The following CSGALNACT1 variants were observed in gnomAD, a reference collection of about 807,000 sequenced individuals.
The protein encoded by CSGALNACT1 is beta4GalNAcT-1.
A neutral mutation model predicts 51.0 loss-of-function variants in CSGALNACT1; 52 were observed. That is an observed-to-expected ratio of 1.02 (90% confidence interval 0.82 to 1.29). CSGALNACT1 has a LOEUF of 1.29. Among genes scored for constraint, CSGALNACT1 ranks in the 50% most tolerant of loss-of-function variants. The pLI, the probability that CSGALNACT1 is intolerant of heterozygous loss-of-function variation, is 0.00. For synonymous variants in CSGALNACT1, 341 were observed against 254.4 expected (o/e 1.34, Z -3.24); for missense variants, 935 against 679.2 (o/e 1.38, Z -4.19).
chr8:19,451,856 G>A (rs2063239066), intron 5 of CSGALNACT1, among the ~76,000 whole-genome samples: 1 of 152,146 alleles, frequency 6.6e-6, no homozygotes, highest in Non-Finnish European at 1.5e-5. Flanking sequence ...GGGCCCATCT[G>A]GACCAAGATT....
intron 1 of CSGALNACT1, among the ~76,000 whole-genome samples, chr8:19,649,324 A>C (rs1589259248): frequency 6.6e-6 from 1 of 152,268 alleles, no homozygotes; most frequent in East Asian, 1.9e-4. Flanking sequence ...AGTCACTCTA[A>C]GGAAGGGACT....
chr8:19,454,764 T>A (rs1160162312), intron 5 of CSGALNACT1, among the ~76,000 whole-genome samples: 1 of 151,598 alleles, frequency 6.6e-6, no homozygotes, highest in Non-Finnish European at 1.5e-5. Context: ...TACTGAAATG[T>A]TTCAATCAAA....
intron 1 of CSGALNACT1, among the ~76,000 whole-genome samples, chr8:19,732,040 C>T (rs1309857408): frequency 6.6e-6 from 1 of 152,206 alleles, no homozygotes; most frequent in African/African-American, 2.4e-5. Flanking sequence ...TGGCCAAATG[C>T]TTTCTTACAA....
intron 1 of CSGALNACT1, among the ~76,000 whole-genome samples, chr8:19,657,083 G>C (rs1353307515): frequency 1.6e-5 from 2 of 127,510 alleles, no homozygotes; most frequent in East Asian, 4.6e-4. Context: ...AAAAAAAAAA[G>C]GAAAACAAAT....
chr8:19,652,091 A>C (rs1179722959), intron 1 of CSGALNACT1, among the ~76,000 whole-genome samples: 1 of 151,880 alleles, frequency 6.6e-6, no homozygotes, highest in Non-Finnish European at 1.5e-5. Context: ...CACCACACCC[A>C]GCTAATTTTA....
At chr8:19,654,570 G>A (rs900378193) in intron 1 of CSGALNACT1, among the ~76,000 whole-genome samples, 1 of 151,980 alleles carries the variant, frequency 6.6e-6, no homozygotes, top group Non-Finnish European at 1.5e-5. Flanking sequence ...TTTGAGAGGG[G>A]GTTTTGCTCT....
In CSGALNACT1 at chr8:19,620,984, AAACTT is replaced by A. The variant is rs1283887776; in HGVS notation, c.-543-19124_-543-19120del. ...TCTATTTTGCATTCTGAAAAAATAG[AAACTT>A]AACACCGTAAAAATGTTGTGAGAAG... is the stretch of plus-strand genomic sequence containing the variant. On this transcript the variant is annotated intron_variant, in intron 1 of 9. Transcript: ENST00000332246. Among the ~76,000 whole-genome samples, 5 of 152,334 alleles carry A rather than the reference AAACTT, an allele frequency of 3.3e-5. No homozygotes were observed. The East Asian group carries it at 9.6e-4, about 29-fold the overall frequency.
intron 1 of CSGALNACT1, among the ~76,000 whole-genome samples, chr8:19,755,477 A>T (rs1563239940): frequency 6.7e-6 from 1 of 149,700 alleles, no homozygotes; most frequent in East Asian, 1.9e-4. Flanking sequence ...AAAAAAAAAA[A>T]AAAAGACAAC....
chr8:19,506,882 CTTTTCT>C (rs948193252), intron 3 of CSGALNACT1, among the ~76,000 whole-genome samples: 2 of 152,172 alleles, frequency 1.3e-5, no homozygotes, highest in African/African-American at 4.8e-5. Flanking sequence ...AGATAAACCT[CTTTTCT>C]TTTTAAGTTA....
chr8:19,704,383 C>G (rs1191721733), intron 1 of CSGALNACT1, among the ~76,000 whole-genome samples: 1 of 152,216 alleles, frequency 6.6e-6, no homozygotes, highest in Non-Finnish European at 1.5e-5. Flanking sequence ...TCATCTATCA[C>G]TTCACACCTT....
chr8:19,550,286 G>C (rs1043202660), intron 3 of CSGALNACT1, among the ~76,000 whole-genome samples: 4 of 152,140 alleles, frequency 2.6e-5, no homozygotes, highest in Non-Finnish European at 5.9e-5. Context: ...GCACCTGTCT[G>C]TGAAACTCAT....
At chr8:19,436,641 T>A (rs1367780710) in intron 6 of CSGALNACT1, among the ~76,000 whole-genome samples, 1 of 152,140 alleles carries the variant, frequency 6.6e-6, no homozygotes, top group Non-Finnish European at 1.5e-5. Flanking sequence ...GTGTAGAGGA[T>A]CACACCCATA....
rs145954148 is a variant in CSGALNACT1, at chr8:19,500,955, G to A, written c.634+4246C>T. ...ATGCAGTGTCCTCCCAGGATAAAAGGCATAAGGGCAGAGGCCGGGCACGGT... is the reference window on the plus strand; with the variant it reads ...ATGCAGTGTCCTCCCAGGATAAAAGACATAAGGGCAGAGGCCGGGCACGGT... On this transcript the variant is annotated intron_variant, in intron 4 of 9. Coordinates refer to ENST00000454498, the Ensembl canonical transcript of CSGALNACT1. 1.1e-3 allele frequency among the ~76,000 whole-genome samples: 166 copies of A among 152,208 alleles called. 4 individuals carry two copies. In the East Asian group the frequency reaches 0.026, roughly 24 times the overall value.
intron 1 of CSGALNACT1, among the ~76,000 whole-genome samples, chr8:19,670,053 C>T (rs533830047): frequency 2.2e-4 from 34 of 152,160 alleles, no homozygotes; most frequent in Non-Finnish European, 4.4e-4. Context: ...TACCAAAATT[C>T]CTAATTCTGT....
At chr8:19,413,802 T>C (rs2056356222) in intron 8 of CSGALNACT1, among the ~76,000 whole-genome samples, 1 of 151,932 alleles carries the variant, frequency 6.6e-6, no homozygotes, top group South Asian at 2.1e-4. Context: ...GCATTAGAAA[T>C]GATAAGGAGG....
At chr8:19,488,857 G>C (rs1421199433) in intron 4 of CSGALNACT1, among the ~76,000 whole-genome samples, 1 of 152,136 alleles carries the variant, frequency 6.6e-6, no homozygotes, top group Non-Finnish European at 1.5e-5. Flanking sequence ...GTGAAGAGAA[G>C]ACAACAGCAT....
chr8:19,748,838 G>A (rs1433461679), intron 1 of CSGALNACT1, among the ~76,000 whole-genome samples: 1 of 152,024 alleles, frequency 6.6e-6, no homozygotes, highest in African/African-American at 2.4e-5. Flanking sequence ...GGTGGCGAGT[G>A]CCTGTAATCC....
intron 1 of CSGALNACT1, among the ~76,000 whole-genome samples, chr8:19,744,351 A>G (rs2064510232): frequency 6.6e-6 from 1 of 152,232 alleles, no homozygotes; most frequent in Non-Finnish European, 1.5e-5. Context: ...GAATAAAACA[A>G]CTTGGTTCAA....
intron 5 of CSGALNACT1, among the ~76,000 whole-genome samples, chr8:19,447,726 C>T (rs1417882557): frequency 6.6e-6 from 1 of 152,166 alleles, no homozygotes; most frequent in African/African-American, 2.4e-5. Flanking sequence ...GAGAAACAAG[C>T]TCAGTAATAA....
Sources: allele counts gnomAD v4.1 joint callset (sites outside exome capture counted in the v4.1 genomes callset), GRCh38; gene constraint gnomAD v4.1.1; transcripts MANE v1.5; gene names NCBI Gene and HGNC (gene_info 2026-07-23, HGNC 2026-07-21).